REC114: variants seen among roughly 807,000 people sequenced by gnomAD.
REC114 encodes meiotic recombination protein REC114.
A neutral mutation model predicts 31.3 loss-of-function variants in REC114; 27 were observed. The observed-to-expected ratio is 0.86, with a 90% confidence interval of 0.64 to 1.19. The LOEUF is 1.19. Among genes scored for constraint, REC114 ranks in the 50% most tolerant of loss-of-function variants. REC114 has a pLI of 0.00. For missense variants in REC114, 344 were observed against 326.9 expected, an observed-to-expected ratio of 1.05 and a Z score of -0.40; for synonymous variants, 134 against 127.7, an observed-to-expected ratio of 1.05 and a Z score of -0.33.
In REC114 at chr15:73,482,258, G is replaced by A. The variant is rs139799333; in HGVS notation, c.249+8337G>A. Reference sequence around the variant, plus strand: ...AGTGTTGAAGGTGGGGCCTGTAGGAGGTGTATCCCTCATGAATGGCTTGGT... The same window carrying A: ...AGTGTTGAAGGTGGGGCCTGTAGGAAGTGTATCCCTCATGAATGGCTTGGT... On this transcript the variant is annotated intron_variant, in intron 2 of 5. Transcript: ENST00000331090. 4.3e-4 allele frequency among the ~76,000 whole-genome samples: 65 copies of A among 152,302 alleles called. No homozygotes were observed. The East Asian group carries it at 0.012, about 28-fold the overall frequency.
chr15:73,509,305 A>G (rs1480262823), intron 2 of REC114, among the ~76,000 whole-genome samples: 2 of 142,978 alleles, frequency 1.4e-5, no homozygotes, highest in African/African-American at 5.8e-5. Flanking sequence ...TTTTTCTTGT[A>G]AATTTGTTTG....
At chr15:73,463,846 C>T (rs140448253) in intron 1 of REC114, among the ~76,000 whole-genome samples, 14 of 152,018 alleles carry the variant, frequency 9.2e-5, no homozygotes, top group East Asian at 1.9e-4. Context: ...TAGACTCCTT[C>T]GGTGTTGGAG....
chr15:73,490,356 T>G (rs898726301), intron 2 of REC114, among the ~76,000 whole-genome samples: 3 of 151,710 alleles, frequency 2.0e-5, no homozygotes, highest in African/African-American at 7.3e-5. Flanking sequence ...TGAAATAGTT[T>G]TGCGTGGTTT....
chr15:73,461,708 T>G (rs866996606), intron 1 of REC114, among the ~76,000 whole-genome samples: 5 of 152,046 alleles, frequency 3.3e-5, no homozygotes, highest in African/African-American at 9.6e-5. Context: ...GATAGGGAGG[T>G]TCCAAATAAA....
At chr15:73,505,516 A>G (rs1048205462) in intron 2 of REC114, among the ~76,000 whole-genome samples, 2 of 150,008 alleles carry the variant, frequency 1.3e-5, no homozygotes, top group African/African-American at 4.9e-5. Context: ...TCCAACATTC[A>G]ACTGCACTTC....
intron 2 of REC114, among the ~76,000 whole-genome samples, chr15:73,503,456 A>G (rs1893629617): frequency 6.6e-6 from 1 of 152,224 alleles, no homozygotes; most frequent in Admixed American, 6.5e-5. Flanking sequence ...CAGGAAAAAA[A>G]AGTGATACAA....
chr15:73,445,997 G>A (rs1381894015), intron 1 of REC114, among the ~76,000 whole-genome samples: 1 of 152,206 alleles, frequency 6.6e-6, no homozygotes, highest in Non-Finnish European at 1.5e-5. Flanking sequence ...TGTAAAAAAT[G>A]TAATATCTGT....
chr15:73,485,642 C>T (rs1049491704), intron 2 of REC114, among the ~76,000 whole-genome samples: 1 of 152,208 alleles, frequency 6.6e-6, no homozygotes, highest in Admixed American at 6.5e-5. Flanking sequence ...CCTGCTCTTG[C>T]CATGAGATAA....
intron 5 of REC114, among the ~76,000 whole-genome samples, chr15:73,558,570 G>A (rs939169374): frequency 6.6e-6 from 1 of 152,238 alleles, no homozygotes; most frequent in Non-Finnish European, 1.5e-5. Context: ...AACATTATTA[G>A]TCATTAGGCA....
At chr15:73,482,450 A>C (rs1215591812) in intron 2 of REC114, among the ~76,000 whole-genome samples, 2 of 152,194 alleles carry the variant, frequency 1.3e-5, no homozygotes, top group Non-Finnish European at 2.9e-5. Flanking sequence ...GCCTCACCAG[A>C]AGCTGAGTAG....
At chr15:73,476,500 A>C (rs1486172402) in intron 2 of REC114, among the ~76,000 whole-genome samples, 1 of 152,238 alleles carries the variant, frequency 6.6e-6, no homozygotes, top group East Asian at 1.9e-4. Flanking sequence ...TTGACAGATA[A>C]AATTGTATAT....
At chr15:73,541,668 T>C (rs1358633455) in intron 3 of REC114, among the ~76,000 whole-genome samples, 2 of 152,148 alleles carry the variant, frequency 1.3e-5, no homozygotes, top group African/African-American at 4.8e-5. Flanking sequence ...TATAAGGAAA[T>C]TGACTTAAGC....
chr15:73,544,688 T>A (rs1048068562), intron 3 of REC114, among the ~76,000 whole-genome samples: 5 of 152,238 alleles, frequency 3.3e-5, no homozygotes, highest in African/African-American at 1.2e-4. Context: ...TGATTTCGTC[T>A]AGCCAAGGCT....
chr15:73,466,442 T>G lies in REC114; in HGVS notation c.160-7390T>G, dbSNP rs1468931780. Among the ~76,000 whole-genome samples the G allele has an allele frequency of 2.0e-5, 3 of 152,024 alleles. No homozygotes were observed. The East Asian group carries it at 5.9e-4, about 30-fold the overall frequency. On this transcript the variant is annotated intron_variant, in intron 1 of 5. Transcript: ENST00000331090. ...GGTGGTATGCACCTGTAATCCTAGC[T>G]ACTCAGGAGGCTGAGGCAGGAGAAT...
chr15:73,518,581 C>G (rs1893893813), intron 2 of REC114, among the ~76,000 whole-genome samples: 1 of 152,194 alleles, frequency 6.6e-6, no homozygotes, highest in South Asian at 2.1e-4. Context: ...TGCTGACAGG[C>G]CAGGCCTGAA....
rs190257785 is a variant in REC114, at chr15:73,542,863, A to G, written c.333+2295A>G. 6.5e-4 allele frequency among the ~76,000 whole-genome samples: 98 copies of G among 151,818 alleles called. 2 individuals are homozygous for G. The Middle Eastern group carries it at 0.014, about 22-fold the overall frequency. ...TGCACTAGGGTTTAACTCATCGCTAATTTTTCACTATTATAAAAATGTTCT... is the reference window on the plus strand; with the variant it reads ...TGCACTAGGGTTTAACTCATCGCTAGTTTTTCACTATTATAAAAATGTTCT... On this transcript the variant is annotated intron_variant, in intron 3 of 5. Transcript: ENST00000331090.
intron 2 of REC114, among the ~76,000 whole-genome samples, chr15:73,474,256 A>G (rs1436107623): frequency 6.6e-6 from 1 of 152,206 alleles, no homozygotes; most frequent in Non-Finnish European, 1.5e-5. Context: ...GGAAAACAGC[A>G]TATGCAGAGG....
At chr15:73,481,936 G>A (rs1322219176) in intron 2 of REC114, among the ~76,000 whole-genome samples, 1 of 152,062 alleles carries the variant, frequency 6.6e-6, no homozygotes, top group Non-Finnish European at 1.5e-5. Flanking sequence ...TGGGATTACA[G>A]GCGTGAGCCA....
intron 2 of REC114, chr15:73,483,390 C>T (rs1465132179): frequency 6.5e-6 from 1 of 152,770 alleles, no homozygotes; most frequent in Non-Finnish European, 1.5e-5. Flanking sequence ...TGGGCTGCTC[C>T]ATCAAAAAGA....
Sources: allele counts gnomAD v4.1 joint callset (sites outside exome capture counted in the v4.1 genomes callset), GRCh38; gene constraint gnomAD v4.1.1; transcripts MANE v1.5; gene names NCBI Gene and HGNC (gene_info 2026-07-23, HGNC 2026-07-21).